The following RBFOX1 variants were observed in gnomAD, a reference collection of about 807,000 sequenced individuals.
The protein encoded by RBFOX1 is RNA binding fox-1 homolog 1.
A neutral mutation model predicts 57.7 loss-of-function variants in RBFOX1; 8 were observed. That is an observed-to-expected ratio of 0.14 (90% confidence interval 0.08 to 0.25). RBFOX1 has a LOEUF of 0.25. RBFOX1 is among the 10% of genes least tolerant of loss of function. The pLI is 1.00. For missense variants in RBFOX1, 611 were observed against 548.5 expected (o/e 1.11, Z -1.14); for synonymous variants, 326 against 222.4 (o/e 1.47, Z -4.15).
chr16:6,800,745 C>A (rs2154256869), intron 3 of RBFOX1, among the ~76,000 whole-genome samples: 1 of 152,126 alleles, frequency 6.6e-6, no homozygotes, highest in African/African-American at 2.4e-5. Flanking sequence ...AGATAAAGTA[C>A]AAAGTAAGGG....
At chr16:6,026,874 T>A (rs750859195) in intron 1 of RBFOX1, among the ~76,000 whole-genome samples, 1 of 152,220 alleles carries the variant, frequency 6.6e-6, no homozygotes, top group African/African-American at 2.4e-5. Flanking sequence ...TTGGGCATCA[T>A]GCAGTCACAG....
At chr16:6,791,517 G>A (rs970093155) in intron 3 of RBFOX1, among the ~76,000 whole-genome samples, 9 of 152,114 alleles carry the variant, frequency 5.9e-5, no homozygotes, top group African/African-American at 1.4e-4. Flanking sequence ...CCAGCACTTC[G>A]GGAGGCCGAG....
chr16:6,505,215 G>T (rs2096059039), intron 2 of RBFOX1, among the ~76,000 whole-genome samples: 1 of 152,104 alleles, frequency 6.6e-6, no homozygotes, highest in Non-Finnish European at 1.5e-5. Flanking sequence ...GCTCTTGATT[G>T]TCAGTCACTT....
intron 4 of RBFOX1, among the ~76,000 whole-genome samples, chr16:5,873,203 A>G (rs1313574521): frequency 6.6e-6 from 1 of 152,174 alleles, no homozygotes; most frequent in Non-Finnish European, 1.5e-5. Flanking sequence ...CAATAATTAA[A>G]TAACCTAATT....
rs371647301 is a variant in RBFOX1 at position 6,195,530 on chromosome 16, C to T, written c.-126-121465C>T. On this transcript the variant is annotated intron_variant, in intron 1 of 15. Coordinates refer to ENST00000550418, the MANE Select transcript of RBFOX1 (RefSeq NM_018723.4). The stretch of plus-strand genomic sequence containing the variant: ...GTCGGGATTTCGAGACCAGCCTGAC[C>T]AACATGGAGAAACCCCATGTCTACT... Among the ~76,000 whole-genome samples the T allele has an allele frequency of 9.2e-4, 140 of 152,126 alleles. 5 individuals carry two copies. The South Asian group carries it at 0.028, about 30-fold the overall frequency.
chr16:6,181,577 C>T (rs1040727780), intron 1 of RBFOX1, among the ~76,000 whole-genome samples: 22 of 152,220 alleles, frequency 1.4e-4, no homozygotes, highest in African/African-American at 3.4e-4. Context: ...AAGGGCACAA[C>T]GCATTGGGAA....
At chr16:7,486,493 G>C (rs371884420) in intron 4 of RBFOX1, among the ~76,000 whole-genome samples, 22 of 152,176 alleles carry the variant, frequency 1.4e-4, no homozygotes, top group African/African-American at 5.3e-4. Context: ...CCTTGGGCCA[G>C]TCACTTAACT....
intron 4 of RBFOX1, among the ~76,000 whole-genome samples, chr16:5,929,495 G>C (rs1056361331): frequency 1.3e-5 from 2 of 152,132 alleles, no homozygotes; most frequent in African/African-American, 4.8e-5. Context: ...TGACATTAGA[G>C]TGTCTTTGAA....
At chr16:5,741,625 T>C (rs1168135859) in intron 3 of RBFOX1, among the ~76,000 whole-genome samples, 1 of 152,232 alleles carries the variant, frequency 6.6e-6, no homozygotes, top group Non-Finnish European at 1.5e-5. Flanking sequence ...TATTTCTCTA[T>C]AACAATTTAT....
At chr16:6,721,305 T>C (rs1322368092) in intron 3 of RBFOX1, among the ~76,000 whole-genome samples, 1 of 152,000 alleles carries the variant, frequency 6.6e-6, no homozygotes, top group African/African-American at 2.4e-5. Flanking sequence ...TAGCTGGGCA[T>C]GGTGGCGGGT....
chr16:7,160,460 A>T (rs1302618277), intron 4 of RBFOX1, among the ~76,000 whole-genome samples: 2 of 152,102 alleles, frequency 1.3e-5, no homozygotes, highest in African/African-American at 4.8e-5. Context: ...ATGTACATTA[A>T]ATGTGTAACG....
At chr16:7,458,324 G>A (rs149953923) in intron 4 of RBFOX1, among the ~76,000 whole-genome samples, 11 of 152,160 alleles carry the variant, frequency 7.2e-5, no homozygotes, top group Non-Finnish European at 1.0e-4. Context: ...TAAGTCTGCC[G>A]TGTCCCTGGG....
intron 1 of RBFOX1, among the ~76,000 whole-genome samples, chr16:5,442,295 C>T (rs1282998567): frequency 2.6e-5 from 4 of 152,194 alleles, no homozygotes; most frequent in Non-Finnish European, 5.9e-5. Flanking sequence ...AGAGCAGCAG[C>T]CCATTCATGC....
intron 3 of RBFOX1, among the ~76,000 whole-genome samples, chr16:5,818,145 C>G (rs574244472): frequency 6.6e-6 from 1 of 152,148 alleles, no homozygotes; most frequent in African/African-American, 2.4e-5. Flanking sequence ...CATCACCATC[C>G]TTAGCATTGT....
At chr16:5,647,405 T>C (rs1263720409) in intron 3 of RBFOX1, among the ~76,000 whole-genome samples, 1 of 152,202 alleles carries the variant, frequency 6.6e-6, no homozygotes, top group Non-Finnish European at 1.5e-5. Flanking sequence ...ATTGCCACTG[T>C]GAAATAGGAT....
At chr16:7,690,205 G>A (rs1193836137) in intron 14 of RBFOX1, among the ~76,000 whole-genome samples, 1 of 152,062 alleles carries the variant, frequency 6.6e-6, no homozygotes. Flanking sequence ...AGAAACCTCA[G>A]GAATGGGCCC....
At chr16:7,394,890 C>T (rs562704782) in intron 4 of RBFOX1, among the ~76,000 whole-genome samples, 2 of 152,300 alleles carry the variant, frequency 1.3e-5, no homozygotes, top group African/African-American at 4.8e-5. Flanking sequence ...TCCTTGCCGT[C>T]CCCTGCAGCC....
chr16:7,312,984 G>A (rs966987313), intron 4 of RBFOX1, among the ~76,000 whole-genome samples: 4 of 152,184 alleles, frequency 2.6e-5, no homozygotes, highest in Admixed American at 1.3e-4. Flanking sequence ...AGGATGGACC[G>A]GGGAAGCTGA....
intron 2 of RBFOX1, among the ~76,000 whole-genome samples, chr16:5,574,912 C>A (rs1414040644): frequency 6.6e-6 from 1 of 152,164 alleles, no homozygotes; most frequent in Non-Finnish European, 1.5e-5. Flanking sequence ...AGACACTGTG[C>A]TGTGAGTTGA....
Sources: allele counts gnomAD v4.1 joint callset (sites outside exome capture counted in the v4.1 genomes callset), GRCh38; gene constraint gnomAD v4.1.1; transcripts MANE v1.5; gene names NCBI Gene and HGNC (gene_info 2026-07-23, HGNC 2026-07-21).